The following IFT57 variants were observed in gnomAD, a reference collection of about 807,000 sequenced individuals.
IFT57 encodes intraflagellar transport 57, also known as intraflagellar transport protein 57 homolog.
A neutral mutation model predicts 56.8 loss-of-function variants in IFT57; 59 were observed. The ratio of observed to expected loss-of-function variants is 1.04; its 90% CI spans 0.84 to 1.29. The LOEUF is 1.29. IFT57 is among the 50% of genes most tolerant of loss of function. The pLI, the probability that IFT57 is intolerant of heterozygous loss-of-function variation, is 0.00. For missense variants in IFT57, 470 were observed against 522.1 expected (o/e 0.90, Z 0.97); for synonymous variants, 209 against 186.1 (o/e 1.12, Z -1.00).
At chr3:108,165,392 C>G in intron 9 of IFT57, 39 bp downstream of exon 9, 1 of 1,563,088 alleles carries the variant, frequency 6.4e-7, no homozygotes. Context: ...TGGGGCCCAG[C>G]TGACAGGTGA....
At chr3:108,179,880 C>T (rs9818915) in intron 6 of IFT57, among the ~76,000 whole-genome samples, 14,638 of 128,190 alleles carry the variant, frequency 0.11, 767 homozygotes, top group East Asian at 0.12. Context: ...TATTTTTATG[C>T]GTTAAAGAAC....
chr3:108,220,890 A>T (rs1315893293), intron 1 of IFT57, among the ~76,000 whole-genome samples: 1 of 152,000 alleles, frequency 6.6e-6, no homozygotes, highest in Non-Finnish European at 1.5e-5. Context: ...ATCCTGCTGA[A>T]CCCCTGAGGA....
intron 10 of IFT57, among the ~76,000 whole-genome samples, chr3:108,163,127 T>C (rs918769956): frequency 6.6e-6 from 1 of 152,106 alleles, no homozygotes; most frequent in African/African-American, 2.4e-5. Context: ...TTCTAGGGCA[T>C]AGAAAAGCCT....
At chr3:108,216,557 C>T (rs931749810) in intron 3 of IFT57, among the ~76,000 whole-genome samples, 6 of 152,074 alleles carry the variant, frequency 3.9e-5, no homozygotes, top group Non-Finnish European at 8.8e-5. Flanking sequence ...GACACTATAG[C>T]GAACACTATG....
intron 6 of IFT57, among the ~76,000 whole-genome samples, chr3:108,172,610 G>T (rs1011721478): frequency 3.9e-5 from 6 of 151,926 alleles, no homozygotes; most frequent in Admixed American, 3.9e-4. Flanking sequence ...AGCAATGCTT[G>T]TGAGAATAGA....
At chr3:108,218,226 A>G (rs2080383945) in intron 3 of IFT57, among the ~76,000 whole-genome samples, 1 of 151,270 alleles carries the variant, frequency 6.6e-6, no homozygotes, top group Non-Finnish European at 1.5e-5. Context: ...GTGTGAACAT[A>G]TGTACAAGAG....
chr3:108,198,891 T>C (rs369544058), intron 5 of IFT57, among the ~76,000 whole-genome samples: 1 of 152,220 alleles, frequency 6.6e-6, no homozygotes, highest in Non-Finnish European at 1.5e-5. Flanking sequence ...CAGTTCAGTT[T>C]TCCTCACTGA....
Position 108,198,072 on chromosome 3 carries a change from T to C in IFT57, c.655-6429A>G, listed in dbSNP as rs9856135. Among the ~76,000 whole-genome samples the C allele has an allele frequency of 4.6e-3, 705 of 152,238 alleles. 3 individuals carry two copies. Among genetic ancestry groups the C allele is most frequent in the African/African-American group, 0.016 (668 of 41,540 alleles). On this transcript the variant is annotated intron_variant, in intron 5 of 10. Coordinates refer to ENST00000264538, the MANE Select transcript of IFT57 (RefSeq NM_018010.4). ...GGTTAAATGCCCAATAATAACACCA[T>C]GAAACAGGGAGTCTTATTACCATCT...
chr3:108,182,397 G>C lies in IFT57; in HGVS notation c.777+9124C>G, dbSNP rs115980706. On this transcript the variant is annotated intron_variant, in intron 6 of 10. Transcript: ENST00000264538. Reference sequence around the variant, plus strand: ...ATATAGCAATTCTGTGGTCCCTCCAGGTTCATTCAAATGGAATTCTACCTG... The same window carrying C: ...ATATAGCAATTCTGTGGTCCCTCCACGTTCATTCAAATGGAATTCTACCTG... Among the ~76,000 whole-genome samples the C allele has an allele frequency of 3.0e-3, 457 of 152,122 alleles. 2 individuals carry two copies. Among genetic ancestry groups the C allele is most frequent in the African/African-American group, 0.011 (437 of 41,522 alleles).
chr3:108,183,302 A>G (rs114171826), intron 6 of IFT57, among the ~76,000 whole-genome samples: 176 of 152,278 alleles, frequency 1.2e-3, no homozygotes, highest in African/African-American at 4.0e-3. Context: ...AATAAACAAC[A>G]GACAACAGCC....
chr3:108,213,894 A>G, intron 4 of IFT57, 37 bp downstream of exon 4: 1 of 1,240,088 alleles, frequency 8.1e-7, no homozygotes, highest in Non-Finnish European at 1.2e-6. Context: ...AGTGGCCGAA[A>G]GGTGAAAATG....
At chr3:108,186,216 A>G (rs905450378) in intron 6 of IFT57, among the ~76,000 whole-genome samples, 1 of 152,174 alleles carries the variant, frequency 6.6e-6, no homozygotes, top group African/African-American at 2.4e-5. Context: ...CATGAAGTCT[A>G]AAACAAATTC....
At chr3:108,179,378 A>C (rs1301462230) in intron 6 of IFT57, among the ~76,000 whole-genome samples, 1 of 151,988 alleles carries the variant, frequency 6.6e-6, no homozygotes, top group Non-Finnish European at 1.5e-5. Context: ...AAATACCATG[A>C]TAGAAGGAGG....
intron 4 of IFT57, chr3:108,213,679 T>C (rs1400126840): frequency 3.0e-6 from 1 of 329,904 alleles, no homozygotes; most frequent in Non-Finnish European, 5.5e-6. Flanking sequence ...TTTACTCATA[T>C]AACTAGTGGT....
intron 4 of IFT57, among the ~76,000 whole-genome samples, chr3:108,212,300 C>G (rs572164684): frequency 2.6e-5 from 4 of 152,066 alleles, no homozygotes; most frequent in African/African-American, 9.7e-5. Flanking sequence ...TAGTCTCAAA[C>G]TCCTGGCCTG....
At chr3:108,164,959 T>C (rs372428605) in intron 9 of IFT57, among the ~76,000 whole-genome samples, 6 of 152,054 alleles carry the variant, frequency 3.9e-5, no homozygotes, top group African/African-American at 1.2e-4. Flanking sequence ...TGCAACTATT[T>C]ATTTTTATGC....
rs1192909850 is a variant in IFT57 at position 108,166,912 on chromosome 3, T to C, written c.923A>G (p.Asn308Ser). Reference sequence around the variant, plus strand: ...TTGAACCAAATTCTCAAGCTGATTGTTGATGTACTTTTCTCGGCTGCTGAT... The same window carrying C: ...TTGAACCAAATTCTCAAGCTGATTGCTGATGTACTTTTCTCGGCTGCTGAT... Reference protein sequence around the residue: ...EKISSREKYINNQLENLVQEY... With the variant: ...EKISSREKYISNQLENLVQEY... The change falls in exon 8 of 11, where the codon AAC becomes AGC. Residue 308 changes from asparagine (N) to serine (S), a missense_variant. Asn to Ser is a conservative substitution (Grantham distance 46, BLOSUM62 1). Transcript: ENST00000264538. The C allele has an allele frequency of 6.2e-7, 1 of 1,611,812 alleles. No individual in the cohort carries two copies. The highest frequency in any genetic ancestry group is 8.5e-7 in the Non-Finnish European group (1 of 1,178,564).
At chr3:108,213,353 A>G (rs2080353606) in intron 4 of IFT57, among the ~76,000 whole-genome samples, 1 of 152,154 alleles carries the variant, frequency 6.6e-6, no homozygotes, top group African/African-American at 2.4e-5. Context: ...CTAAAATACC[A>G]GGGTCAATCT....
chr3:108,179,084 AG>A (rs2080138994), intron 6 of IFT57, among the ~76,000 whole-genome samples: 1 of 151,934 alleles, frequency 6.6e-6, no homozygotes, highest in South Asian at 2.1e-4. Context: ...CGCCACTGAA[AG>A]AGTGGAGAGC....
Sources: allele counts gnomAD v4.1 joint callset (sites outside exome capture counted in the v4.1 genomes callset), GRCh38; gene constraint gnomAD v4.1.1; transcripts MANE v1.5; gene names NCBI Gene and HGNC (gene_info 2026-07-23, HGNC 2026-07-21).